The following PPP1R21 variants were observed in gnomAD, a reference collection of about 807,000 sequenced individuals.
PPP1R21 encodes the protein protein phosphatase 1 regulatory subunit 21.
PPP1R21 carries 85 observed loss-of-function variants against 112.8 expected under a neutral mutation model. That is an observed-to-expected ratio of 0.75 (90% CI 0.63 to 0.90). PPP1R21 has a LOEUF of 0.90. Ranked by LOEUF, PPP1R21 falls within the 40% of genes least tolerant of loss-of-function variation. The pLI is 0.00. For missense variants in PPP1R21, 1,199 were observed against 901.5 expected (o/e 1.33, Z -4.23); for synonymous variants, 381 against 322.3 (o/e 1.18, Z -1.95).
At chr2:48,444,077 C>T (rs1425054448) in intron 1 of PPP1R21, among the ~76,000 whole-genome samples, 1 of 151,854 alleles carries the variant, frequency 6.6e-6, no homozygotes, top group Non-Finnish European at 1.5e-5. Flanking sequence ...CTGAGGAGCT[C>T]CCATTAAAGA....
At chr2:48,496,740 T>TACAGTCGTGAGCCATTGCGCTC (rs1440802467) in intron 16 of PPP1R21, among the ~76,000 whole-genome samples, 3 of 152,258 alleles carry the variant, frequency 2.0e-5, no homozygotes, top group African/African-American at 7.2e-5. Context: ...GTGCTGGGAT[T>TACAGTCGTGAGCCATTGCGCTC]ACAGTCGTGA....
chr2:48,497,792 C>T (rs891919139), intron 16 of PPP1R21, among the ~76,000 whole-genome samples: 31 of 151,944 alleles, frequency 2.0e-4, no homozygotes, highest in African/African-American at 7.0e-4. Context: ...GCTGGGACTA[C>T]AGGCGCCCGC....
chr2:48,488,334 A>T (rs984544090), intron 14 of PPP1R21, among the ~76,000 whole-genome samples: 1 of 151,728 alleles, frequency 6.6e-6, no homozygotes, highest in Non-Finnish European at 1.5e-5. Flanking sequence ...AAAAGAGAGA[A>T]TGTTGGTATT....
rs70943344 is a variant in PPP1R21, at chr2:48,494,058, CAAAA to C, written c.1600-1601_1600-1598del. 8.7e-4 allele frequency among the ~76,000 whole-genome samples: 55 copies of C among 63,226 alleles called. No homozygotes were observed. In the East Asian group the frequency reaches 0.02, roughly 23 times the overall value. 41.5% of individuals were successfully genotyped at this position (63,226 alleles called of 152,430 possible). A position where few individuals can be genotyped will look rare whatever the true frequency, so the allele number is the denominator to read the frequency against. ...GCAACATAGGGAGACCTCGTCTCTC[CAAAA>C]AAAAAAAAAAAAAAAAAAATAGCCT... On this transcript the variant is annotated intron_variant, in intron 15 of 21. Transcript: ENST00000294952.
intron 16 of PPP1R21, among the ~76,000 whole-genome samples, chr2:48,497,477 T>C (rs768850468): frequency 2.0e-5 from 3 of 152,170 alleles, no homozygotes; most frequent in Non-Finnish European, 4.4e-5. Flanking sequence ...AGATTAGTTT[T>C]TTTCCCTGAT....
Position 48,510,099 on chromosome 2 carries a change from A to G in PPP1R21, c.2170A>G (p.Ile724Val). 3 of 1,613,746 alleles carry G rather than the reference A, an allele frequency of 1.9e-6. No individual in the cohort carries two copies. Among genetic ancestry groups the G allele is most frequent in the Non-Finnish European group, 2.5e-6 (3 of 1,179,692 alleles). ...AGAAATGAAACTTGCCAGTCAGAACATCAGCAGACTTCAGGTGAGTTAAGT... is the reference window on the plus strand; with the variant it reads ...AGAAATGAAACTTGCCAGTCAGAACGTCAGCAGACTTCAGGTGAGTTAAGT... ...TEEMKLASQNISRLQDELTTT... is the reference protein window; with the variant it reads ...TEEMKLASQNVSRLQDELTTT... Residue 724 changes from isoleucine (I) to valine (V), a missense_variant, in exon 20 of 22, where the codon ATC (isoleucine) becomes GTC (valine). By Grantham distance (29) the Ile-to-Val change is conservative. Coordinates refer to ENST00000294952, the MANE Select transcript of PPP1R21 (RefSeq NM_001135629.3).
chr2:48,467,451 A>G (rs1373250887), intron 9 of PPP1R21, among the ~76,000 whole-genome samples: 2 of 152,252 alleles, frequency 1.3e-5, no homozygotes, highest in Admixed American at 1.3e-4. Flanking sequence ...GCTGCGGGTC[A>G]AGAATGGAGG....
chr2:48,485,886 TACTA>T (rs1353867068), intron 13 of PPP1R21, among the ~76,000 whole-genome samples: 1 of 1,990 alleles, frequency 5.0e-4, no homozygotes, highest in Admixed American at 2.8e-3. Flanking sequence ...CAATTGTATA[TACTA>T]ACTAATATAT....
At position 48,445,562 on chromosome 2, in the gene PPP1R21, T is replaced by C. The variant is rs183462745; in HGVS notation, c.57+4552T>C. ...TGCCTCCAGGTAAAACTATTGCAGCTGTCCAAAGACCACACTTGGGACAAG... is the reference window on the plus strand; with the variant it reads ...TGCCTCCAGGTAAAACTATTGCAGCCGTCCAAAGACCACACTTGGGACAAG... On this transcript the variant is annotated intron_variant, in intron 1 of 21. Transcript: ENST00000294952. Among the ~76,000 whole-genome samples, 124 of 152,316 alleles carry C rather than the reference T, an allele frequency of 8.1e-4. 1 individual carries two copies. Among genetic ancestry groups the C allele is most frequent in the African/African-American group, 2.9e-3 (121 of 41,564 alleles).
intron 15 of PPP1R21, among the ~76,000 whole-genome samples, chr2:48,495,371 T>G (rs1385218063): frequency 6.6e-6 from 1 of 152,074 alleles, no homozygotes; most frequent in Non-Finnish European, 1.5e-5. Context: ...ACCCGGCTAA[T>G]TTTTGTATTT....
chr2:48,450,445 G>A (rs567085136), intron 1 of PPP1R21, among the ~76,000 whole-genome samples: 5 of 152,342 alleles, frequency 3.3e-5, no homozygotes, highest in African/African-American at 1.2e-4. Flanking sequence ...TTTAAATGGA[G>A]CCTGCTTCTT....
At chr2:48,482,514 T>A (rs1417858348) in intron 13 of PPP1R21, among the ~76,000 whole-genome samples, 1 of 152,226 alleles carries the variant, frequency 6.6e-6, no homozygotes, top group African/African-American at 2.4e-5. Flanking sequence ...AGGGTTGTTT[T>A]GAAGGAAACT....
intron 14 of PPP1R21, among the ~76,000 whole-genome samples, chr2:48,489,173 T>C (rs1669443621): frequency 6.6e-6 from 1 of 152,198 alleles, no homozygotes; most frequent in African/African-American, 2.4e-5. Flanking sequence ...TACAATATTC[T>C]TTAATGTATA....
At chr2:48,449,425 A>G (rs767608660) in intron 1 of PPP1R21, among the ~76,000 whole-genome samples, 1 of 152,186 alleles carries the variant, frequency 6.6e-6, no homozygotes, top group Non-Finnish European at 1.5e-5. Flanking sequence ...TCCCAAGTTT[A>G]TATTGTCTAA....
At chr2:48,505,879 TC>T (rs1670350954) in intron 18 of PPP1R21, among the ~76,000 whole-genome samples, 1 of 152,138 alleles carries the variant, frequency 6.6e-6, no homozygotes, top group Non-Finnish European at 1.5e-5. Flanking sequence ...GCTTGGGCCT[TC>T]ATTTGCTGGC....
intron 21 of PPP1R21, among the ~76,000 whole-genome samples, chr2:48,514,073 CTTTTTTTT>C (rs1225415838): frequency 1.1e-5 from 1 of 89,902 alleles, no homozygotes; most frequent in South Asian, 4.2e-4. Context: ...GAGACATGTT[CTTTTTTTT>C]TTTTTTTTTT....
intron 2 of PPP1R21, 86 bp from the exon 3 acceptor site, chr2:48,454,507 ATT>A: frequency 6.7e-7 from 1 of 1,486,396 alleles, no homozygotes; most frequent in Non-Finnish European, 9.2e-7. Flanking sequence ...TTTTGATTAT[ATT>A]TTGGTGAAAT....
chr2:48,451,014 G>T lies in PPP1R21; in HGVS notation c.64G>T (p.Ala22Ser). The T allele has an allele frequency of 6.2e-7, 1 of 1,613,286 alleles. No individual in the cohort carries two copies. The highest frequency in any genetic ancestry group is 2.2e-5 in the East Asian group (1 of 44,828). The change falls in exon 2 of 22, where the codon GCT becomes TCT. Residue 22 changes from alanine to serine, a missense_variant. By Grantham distance (99) the Ala-to-Ser change is moderately conservative. Transcript: ENST00000294952. ...KLAQEYSKLR[A>S]QNQVLKKGVV... ...TTGCTTTCTCTGTTTTCAGCTTCGG[G>T]CTCAGAATCAGGTTCTGAAAAAAGG...
rs1553343938 is a variant in PPP1R21, at chr2:48,494,410, AT to A, written c.1600-1265del. Among the ~76,000 whole-genome samples, 11 of 102,824 alleles carry A rather than the reference AT, an allele frequency of 1.1e-4. No homozygotes were observed. In the South Asian group the frequency reaches 1.7e-3, roughly 16 times the overall value. The allele number at this position is 102,824 out of a possible 152,430, so 67.5% of individuals were successfully genotyped here. On this transcript the variant is annotated intron_variant, in intron 15 of 21. Transcript: ENST00000294952. ...AGTCATCTAACATAAAGCCTATTTTATTTTATTTATTTATTTATTTATTTAT... is the reference window on the plus strand; with the variant it reads ...AGTCATCTAACATAAAGCCTATTTTATTTATTTATTTATTTATTTATTTAT...
Sources: gnomAD v4.1 joint callset for allele counts (sites outside exome capture counted in the v4.1 genomes callset) on GRCh38, gnomAD v4.1.1 for gene constraint, MANE v1.5 for transcripts, NCBI Gene and HGNC (gene_info 2026-07-23, HGNC 2026-07-21) for gene names.